Variants in CLTC observed in about 807,000 individuals in gnomAD.
CLTC encodes clathrin heavy chain.
CLTC carries 16 observed loss-of-function variants against 195.8 expected under a neutral mutation model. The ratio of observed to expected loss-of-function variants is 0.08; its 90% CI spans 0.06 to 0.12. The LOEUF is 0.12. Ranked by LOEUF, CLTC falls within the 10% of genes least tolerant of loss-of-function variation. The pLI, the probability that CLTC is intolerant of heterozygous loss-of-function variation, is 1.00. For missense variants in CLTC, 796 were observed against 2,027.0 expected, an observed-to-expected ratio of 0.39 and a Z score of 11.66; for synonymous variants, 667 against 689.4, an observed-to-expected ratio of 0.97 and a Z score of 0.51.
At chr17:59,630,245 G>A (rs1161062728) in intron 1 of CLTC, among the ~76,000 whole-genome samples, 1 of 152,044 alleles carries the variant, frequency 6.6e-6, no homozygotes, top group African/African-American at 2.4e-5. Flanking sequence ...CAAGCAATCT[G>A]CCTGCCTCGG....
At chr17:59,624,692 C>T (rs2031492868) in intron 1 of CLTC, among the ~76,000 whole-genome samples, 1 of 151,952 alleles carries the variant, frequency 6.6e-6, no homozygotes, top group Admixed American at 6.6e-5. Flanking sequence ...TGGTCTTCAA[C>T]TCCTGACTTC....
intron 6 of CLTC, among the ~76,000 whole-genome samples, 158 bp from the exon 7 acceptor site, chr17:59,660,233 T>C (rs1185181524): frequency 1.3e-5 from 2 of 152,224 alleles, no homozygotes; most frequent in Non-Finnish European, 2.9e-5. Flanking sequence ...TTTTTCTCCT[T>C]GTCTTCCTTC....
In CLTC at chr17:59,620,121, C is replaced by T; in HGVS notation, c.-11C>T. 2 of 1,614,110 alleles carry T rather than the reference C, an allele frequency of 1.2e-6. No homozygotes were observed. Among genetic ancestry groups the T allele is most frequent in the Non-Finnish European group, 1.7e-6 (2 of 1,180,010 alleles). On this transcript the variant is annotated 5_prime_UTR_variant, in exon 1 of 32. Transcript: ENST00000269122. ...CAGTGACAGGAGGAGACCATAACCC[C>T]CGACAGCGCCATGGCCCAGATTCTG...
rs2032929747 is a variant in CLTC at position 59,674,846 on chromosome 17, G to A, written c.2561+3G>A. 1 of 1,611,462 alleles carries A rather than the reference G, an allele frequency of 6.2e-7. No homozygotes were observed. The highest frequency in any genetic ancestry group is 8.5e-7 in the Non-Finnish European group (1 of 1,178,978). ...GCTGAGGTTGAAAAAAGAAACAGGT[G>A]TAGTACCATTTTAACAGGGATAAGT... On this transcript the variant is annotated splice_donor_region_variant and intron_variant, in intron 16 of 31. Transcript: ENST00000269122.
intron 1 of CLTC, 49 bp downstream of exon 1, chr17:59,620,222 G>C: frequency 6.2e-7 from 1 of 1,604,638 alleles, no homozygotes; most frequent in Non-Finnish European, 8.5e-7. Context: ...GTGGTAGGAA[G>C]GATGGAAGAC....
At chr17:59,674,237 T>C (rs2032917466) in intron 15 of CLTC, among the ~76,000 whole-genome samples, 1 of 152,180 alleles carries the variant, frequency 6.6e-6, no homozygotes, top group African/African-American at 2.4e-5. Flanking sequence ...CCTTACTAAC[T>C]TGATAGACCC....
chr17:59,680,884 G>T lies in CLTC; in HGVS notation c.2920-28G>T, dbSNP rs745649667. On this transcript the variant is annotated intron_variant, in intron 18 of 31. Transcript: ENST00000269122. ...TTTTTTAAAACCAACTTGATTCTCA[G>T]TACTTATGTCCCATATATCCTCTGT... 3 of 1,539,178 alleles carry T rather than the reference G, an allele frequency of 1.9e-6. No individual in the cohort carries two copies. In the South Asian group the frequency reaches 3.8e-5, roughly 20 times the overall value.
chr17:59,671,749 C>T lies in CLTC; in HGVS notation c.2293-1898C>T, dbSNP rs574348755. 3.3e-5 allele frequency among the ~76,000 whole-genome samples: 5 copies of T among 152,300 alleles called. No homozygotes were observed. In the South Asian group the frequency reaches 8.3e-4, roughly 25 times the overall value. ...CCTGCTAGCTATTCCTGGAACTCCC[C>T]TAACCTTGTCCTGCCGAAGGGCCTT... On this transcript the variant is annotated intron_variant, in intron 14 of 31. Coordinates refer to ENST00000269122, the MANE Select transcript of CLTC (RefSeq NM_004859.4).
intron 1 of CLTC, among the ~76,000 whole-genome samples, chr17:59,641,603 CAAAAAAA>C (rs34208843): frequency 1.6e-4 from 8 of 48,848 alleles, no homozygotes; most frequent in South Asian, 1.3e-3. Flanking sequence ...GACTCCATCT[CAAAAAAA>C]AAAAAAAAAA....
At chr17:59,624,842 G>GT (rs1472548914) in intron 1 of CLTC, among the ~76,000 whole-genome samples, 2 of 151,816 alleles carry the variant, frequency 1.3e-5, no homozygotes, top group Non-Finnish European at 1.5e-5. Context: ...TTAATTTTGG[G>GT]TTTTTTTGGT....
At chr17:59,676,261 T>C (rs1448787481) in intron 16 of CLTC, among the ~76,000 whole-genome samples, 1 of 152,182 alleles carries the variant, frequency 6.6e-6, no homozygotes, top group Non-Finnish European at 1.5e-5. Context: ...ATAGCAAAAC[T>C]GTGCTCCTTG....
chr17:59,664,632 G>T, intron 9 of CLTC, 155 bp from the exon 10 acceptor site: 1 of 569,924 alleles, frequency 1.8e-6, no homozygotes, highest in Non-Finnish European at 2.8e-6. Context: ...GTTCAAATAT[G>T]TCATCACCAA....
At chr17:59,680,877 A>G (rs770848023) in intron 18 of CLTC, 35 bp from the exon 19 acceptor site, 4 of 1,508,322 alleles carry the variant, frequency 2.7e-6, no homozygotes, top group Non-Finnish European at 3.6e-6. Context: ...AACCAACTTG[A>G]TTCTCAGTAC....
intron 30 of CLTC, among the ~76,000 whole-genome samples, chr17:59,688,241 T>G (rs183157268): frequency 6.6e-5 from 10 of 152,360 alleles, no homozygotes; most frequent in African/African-American, 2.2e-4. Context: ...AGAGCCTGTA[T>G]AGCAAGTCAT....
At chr17:59,620,978 C>T (rs1005966975) in intron 1 of CLTC, among the ~76,000 whole-genome samples, 1 of 152,056 alleles carries the variant, frequency 6.6e-6, no homozygotes, top group African/African-American at 2.4e-5. Context: ...TTTTAGTCTT[C>T]TCGAGTAGTA....
chr17:59,680,053 CAAAAAGA>C (rs1396016792), intron 18 of CLTC, among the ~76,000 whole-genome samples: 5 of 151,334 alleles, frequency 3.3e-5, no homozygotes, highest in African/African-American at 1.2e-4. Flanking sequence ...CTCAAAAAAA[CAAAAAGA>C]AAAAAGAAAA....
Position 59,685,815 on chromosome 17 carries a change from ACT to A in CLTC, c.4827+10_4827+11del. On this transcript the variant is annotated splice_region_variant and intron_variant, in intron 30 of 31. Coordinates refer to ENST00000269122, the MANE Select transcript of CLTC (RefSeq NM_004859.4). This position sits in a 1 kb window ranked among gnomAD's most constrained non-coding sequence, Gnocchi z 5.0. ...GAAGGAGTACTTGACAAAGGTAATG[ACT>A]CTTCTAAGTGTATTCAGAACTAGTT... 1 of 1,606,326 alleles carries A rather than the reference ACT, an allele frequency of 6.2e-7. No individual in the cohort carries two copies. Among genetic ancestry groups the A allele is most frequent in the Non-Finnish European group, 8.5e-7 (1 of 1,173,732 alleles).
At chr17:59,674,407 G>T (rs183844116) in intron 15 of CLTC, among the ~76,000 whole-genome samples, 1 of 152,026 alleles carries the variant, frequency 6.6e-6, no homozygotes, top group South Asian at 2.1e-4. Context: ...ATCTTCTTTG[G>T]ACTTATTTAT....
chr17:59,638,048 A>C (rs1290374721), intron 1 of CLTC, among the ~76,000 whole-genome samples: 2 of 151,820 alleles, frequency 1.3e-5, no homozygotes, highest in East Asian at 1.9e-4. Context: ...CCACTAATCT[A>C]GTATCAGTAG....
Sources: gnomAD v4.1 joint callset for allele counts (sites outside exome capture counted in the v4.1 genomes callset) on GRCh38, gnomAD v4.1.1 for gene constraint, Gnocchi (gnomAD v3.1) non-coding constraint, MANE v1.5 for transcripts, NCBI Gene and HGNC (gene_info 2026-07-23, HGNC 2026-07-21) for gene names.